The following RPS5 variants were observed in gnomAD, a reference collection of about 807,000 sequenced individuals.
RPS5 encodes ribosomal protein S5, also known as small ribosomal subunit protein uS7.
A neutral mutation model predicts 20.9 loss-of-function variants in RPS5; 2 were observed. That is an observed-to-expected ratio of 0.10 (90% CI 0.04 to 0.30). The LOEUF (loss-of-function observed/expected upper bound fraction) is 0.30, where lower values mean the gene tolerates loss of function less well. Ranked by LOEUF, RPS5 falls within the 10% of genes least tolerant of loss-of-function variation. The pLI is 1.00. For missense variants in RPS5, 122 were observed against 287.2 expected, an observed-to-expected ratio of 0.42 and a Z score of 4.16; for synonymous variants, 112 against 105.8, an observed-to-expected ratio of 1.06 and a Z score of -0.36.
chr19:58,388,395 C>A (rs1232896850), intron 2 of RPS5, 150 bp downstream of exon 2: 1 of 643,612 alleles, frequency 1.6e-6, no homozygotes, highest in Non-Finnish European at 2.8e-6. Context: ...TCTACCACAT[C>A]TGCTCTTACG....
intron 2 of RPS5, 159 bp downstream of exon 2, chr19:58,388,404 C>A (rs766599120): frequency 4.8e-6 from 3 of 619,610 alleles, no homozygotes; most frequent in African/African-American, 1.8e-5. Flanking sequence ...TCTGCTCTTA[C>A]GTCCTGTTCA....
chr19:58,388,900 A>T (rs1168299944), intron 2 of RPS5, among the ~76,000 whole-genome samples: 1 of 152,048 alleles, frequency 6.6e-6, no homozygotes, highest in Non-Finnish European at 1.5e-5. Flanking sequence ...AAGTGCTGGG[A>T]TTACAGGCGT....
intron 2 of RPS5, among the ~76,000 whole-genome samples, chr19:58,388,822 GGTTTCA>G (rs2052345290): frequency 6.6e-6 from 1 of 151,788 alleles, no homozygotes; most frequent in Non-Finnish European, 1.5e-5. Flanking sequence ...GTAGAGACAG[GGTTTCA>G]CCGAGTTAGC....
intron 4 of RPS5, 171 bp from the exon 5 acceptor site, chr19:58,394,326 C>G: frequency 1.6e-6 from 1 of 615,314 alleles, no homozygotes; most frequent in Non-Finnish European, 2.9e-6. Flanking sequence ...TGTGTCTGGA[C>G]ACTTGCTCTT....
At position 58,394,609 on chromosome 19, in the gene RPS5, C is replaced by T. The variant is rs755447705; in HGVS notation, c.546+14C>T. On this transcript the variant is annotated intron_variant, in intron 5 of 5. Transcript: ENST00000196551. ...AATGCTGCCAAGGTGGGTGAGGGCA[C>T]TCCGGTTGGGGGGTCTTAAGTTGGG... 2.5e-6 allele frequency: 4 copies of T among 1,613,762 alleles called. No homozygotes were observed. Among genetic ancestry groups the T allele is most frequent in the East Asian group, 4.5e-5 (2 of 44,892 alleles).
At position 58,394,614 on chromosome 19, in the gene RPS5, GT is replaced by G. The variant is rs1225954374; in HGVS notation, c.546+21del. The G allele has an allele frequency of 6.2e-6, 10 of 1,613,754 alleles. No individual in the cohort carries two copies. Among genetic ancestry groups the G allele is most frequent in the Non-Finnish European group, 8.5e-6 (10 of 1,179,764 alleles). ...TGCCAAGGTGGGTGAGGGCACTCCG[GT>G]TGGGGGGTCTTAAGTTGGGCATTTG... On this transcript the variant is annotated intron_variant, in intron 5 of 5. Transcript: ENST00000196551.
At chr19:58,394,292 A>T in intron 4 of RPS5, 1 of 570,788 alleles carries the variant, frequency 1.8e-6, no homozygotes, top group Non-Finnish European at 3.2e-6. Flanking sequence ...GTCACTGGGG[A>T]CGCAACTTCA....
Position 58,394,605 on chromosome 19 carries a change from G to A in RPS5, c.546+10G>A, listed in dbSNP as rs185785414. 2.7e-4 allele frequency: 435 copies of A among 1,613,962 alleles called. No homozygotes were observed. Among genetic ancestry groups the A allele is most frequent in the Non-Finnish European group, 3.6e-4 (425 of 1,179,856 alleles). On this transcript the variant is annotated intron_variant, in intron 5 of 5. Coordinates refer to ENST00000196551, the MANE Select transcript of RPS5 (RefSeq NM_001009.4). Reference sequence around the variant, plus strand: ...CATCAATGCTGCCAAGGTGGGTGAGGGCACTCCGGTTGGGGGGTCTTAAGT... The same window carrying A: ...CATCAATGCTGCCAAGGTGGGTGAGAGCACTCCGGTTGGGGGGTCTTAAGT...
intron 2 of RPS5, 67 bp from the exon 3 acceptor site, chr19:58,392,909 G>C: frequency 6.8e-7 from 1 of 1,470,512 alleles, no homozygotes; most frequent in African/African-American, 1.4e-5. Flanking sequence ...CTCTCCTCTG[G>C]TGTCTGGCCA....
At chr19:58,392,660 T>C (rs562073869) in intron 2 of RPS5, among the ~76,000 whole-genome samples, 1 of 150,910 alleles carries the variant, frequency 6.6e-6, no homozygotes, top group African/African-American at 2.4e-5. Flanking sequence ...GCATACCAGA[T>C]GGCTGTTAAA....
At chr19:58,392,618 CAAAA>C (rs112715872) in intron 2 of RPS5, among the ~76,000 whole-genome samples, 2 of 133,280 alleles carry the variant, frequency 1.5e-5, no homozygotes, top group Non-Finnish European at 3.3e-5. Flanking sequence ...GTGAGAGACT[CAAAA>C]AAAAAAAAAC....
At chr19:58,390,120 T>C (rs1396337458) in intron 2 of RPS5, among the ~76,000 whole-genome samples, 1 of 152,082 alleles carries the variant, frequency 6.6e-6, no homozygotes, top group African/African-American at 2.4e-5. Context: ...GTCTCTTAAC[T>C]CCTGACTTCA....
chr19:58,392,741 C>G (rs1214930918), intron 2 of RPS5, among the ~76,000 whole-genome samples: 1 of 152,126 alleles, frequency 6.6e-6, no homozygotes, highest in Non-Finnish European at 1.5e-5. Flanking sequence ...TAGATTCCCA[C>G]TCTTCCATTA....
At chr19:58,389,356 C>G (rs903713923) in intron 2 of RPS5, among the ~76,000 whole-genome samples, 1 of 152,066 alleles carries the variant, frequency 6.6e-6, no homozygotes, top group Admixed American at 6.6e-5. Flanking sequence ...ACTGCAGCCT[C>G]AATACACCTG....
At chr19:58,391,034 A>G (rs1212636294) in intron 2 of RPS5, among the ~76,000 whole-genome samples, 1 of 152,232 alleles carries the variant, frequency 6.6e-6, no homozygotes, top group Non-Finnish European at 1.5e-5. Context: ...CTTCGAATGC[A>G]CATAGCTCCT....
chr19:58,391,759 C>A (rs2052365301), intron 2 of RPS5, among the ~76,000 whole-genome samples: 1 of 151,624 alleles, frequency 6.6e-6, no homozygotes, highest in Non-Finnish European at 1.5e-5. Flanking sequence ...AACCCCAGCT[C>A]TACTAAAAAT....
chr19:58,394,139 TGGGG>T, intron 4 of RPS5: 2 of 233,974 alleles, frequency 8.5e-6, no homozygotes, highest in South Asian at 1.3e-4. Context: ...TTTGTAGAGG[TGGGG>T]TTTCACCAAG....
At chr19:58,390,789 T>C (rs1433823517) in intron 2 of RPS5, among the ~76,000 whole-genome samples, 1 of 152,172 alleles carries the variant, frequency 6.6e-6, no homozygotes, top group African/African-American at 2.4e-5. Context: ...GGGAATTTGG[T>C]GTTTGCAATT....
At chr19:58,388,101 C>G (rs1454884442) in intron 1 of RPS5, 36 bp from the exon 2 acceptor site, 1 of 1,471,950 alleles carries the variant, frequency 6.8e-7, no homozygotes, top group Non-Finnish European at 9.4e-7. Flanking sequence ...GCTAGCTGAG[C>G]TCTGACGTTT....
Sources: gnomAD v4.1 joint callset for allele counts (sites outside exome capture counted in the v4.1 genomes callset) on GRCh38, gnomAD v4.1.1 for gene constraint, MANE v1.5 for transcripts, NCBI Gene and HGNC (gene_info 2026-07-23, HGNC 2026-07-21) for gene names.